ITGB5: variants seen among roughly 807,000 people sequenced by gnomAD.
The protein encoded by ITGB5 is integrin subunit beta 5, also known as integrin beta-5.
In ITGB5, 38 loss-of-function variants were observed where a neutral mutation model predicts 84.8. The observed-to-expected ratio is 0.45, with a 90% confidence interval of 0.35 to 0.59. The LOEUF is 0.59. ITGB5 is among the 20% of genes least tolerant of loss of function. The pLI is 0.01. For missense variants in ITGB5, 905 were observed against 1,034.5 expected (o/e 0.87, Z 1.72); for synonymous variants, 393 against 414.4 (o/e 0.95, Z 0.63).
At chr3:124,869,402 C>T (rs1350707835) in intron 2 of ITGB5, among the ~76,000 whole-genome samples, 6 of 152,016 alleles carry the variant, frequency 3.9e-5, no homozygotes, top group African/African-American at 1.5e-4. Flanking sequence ...ATGGTGAAAC[C>T]CCGTCTCTAC....
intron 5 of ITGB5, among the ~76,000 whole-genome samples, chr3:124,834,543 G>T (rs1475062669): frequency 3.7e-5 from 1 of 27,140 alleles, no homozygotes; most frequent in Non-Finnish European, 7.2e-5. Flanking sequence ...AGGGGAGGGA[G>T]GGGAGGGAGC....
At chr3:124,894,232 A>G (rs1333257232) in intron 1 of ITGB5, among the ~76,000 whole-genome samples, 1 of 141,330 alleles carries the variant, frequency 7.1e-6, no homozygotes, top group Non-Finnish European at 1.5e-5. Flanking sequence ...TCCCAGGTTC[A>G]TGCCATTCTC....
intron 7 of ITGB5, 115 bp downstream of exon 7, chr3:124,819,624 G>A (rs933120837): frequency 1.3e-6 from 1 of 768,538 alleles, no homozygotes; most frequent in Non-Finnish European, 2.4e-6. Context: ...ATTAGATCAA[G>A]ACTGGGCTAT....
chr3:124,852,562 G>A (rs887358491), intron 3 of ITGB5, among the ~76,000 whole-genome samples: 7 of 152,016 alleles, frequency 4.6e-5, no homozygotes, highest in Non-Finnish European at 8.8e-5. Context: ...CATTCTATCT[G>A]AAATGTATTT....
intron 2 of ITGB5, among the ~76,000 whole-genome samples, chr3:124,861,201 A>G (rs2065292215): frequency 6.6e-6 from 1 of 151,882 alleles, no homozygotes; most frequent in East Asian, 1.9e-4. Context: ...TTTTTTTAAT[A>G]ACGATTTTTT....
intron 10 of ITGB5, among the ~76,000 whole-genome samples, chr3:124,786,013 A>AGG (rs2064077467): frequency 1.3e-5 from 2 of 152,188 alleles, no homozygotes; most frequent in Non-Finnish European, 2.9e-5. Flanking sequence ...CTATAATCAA[A>AGG]AATCACAAGG....
At chr3:124,850,605 A>G (rs1448342242) in intron 3 of ITGB5, among the ~76,000 whole-genome samples, 2 of 151,230 alleles carry the variant, frequency 1.3e-5, no homozygotes, top group African/African-American at 4.9e-5. Flanking sequence ...ATGACGAGTT[A>G]GTGGGTGCAG....
Position 124,859,413 on chromosome 3 carries a change from A to G in ITGB5, c.190T>C (p.Cys64Arg). 6.2e-7 allele frequency: 1 copy of G among 1,614,072 alleles called. No homozygotes were observed. The highest frequency in any genetic ancestry group is 1.1e-5 in the South Asian group (1 of 91,072). Residue 64 changes from cysteine (C) to arginine (R), a missense_variant, in exon 3 of 15, where the codon TGT becomes CGT. By Grantham distance (180) the Cys-to-Arg change is radical. Transcript: ENST00000296181. Reference protein sequence around the residue: ...FGSPRSITSRCDLRANLVKNG... With the variant: ...FGSPRSITSRRDLRANLVKNG... ...TTGACAAGGTTTGCCCTCAGATCAC[A>G]CCGAGAGGTGATGGACCGTGGGCTT... is the stretch of plus-strand genomic sequence containing the variant.
intron 9 of ITGB5, among the ~76,000 whole-genome samples, chr3:124,802,868 G>T (rs908371191): frequency 6.6e-6 from 1 of 152,100 alleles, no homozygotes; most frequent in Admixed American, 6.5e-5. Context: ...CACAGCCCTC[G>T]CAGTGGAGTC....
chr3:124,840,263 A>T (rs542365141), intron 5 of ITGB5, among the ~76,000 whole-genome samples: 1 of 152,346 alleles, frequency 6.6e-6, no homozygotes, highest in Admixed American at 6.5e-5. Context: ...CCCTCACCAA[A>T]TGGAAGAGTC....
At chr3:124,823,486 C>A (rs563016199) in intron 5 of ITGB5, among the ~76,000 whole-genome samples, 11 of 151,666 alleles carry the variant, frequency 7.3e-5, no homozygotes, top group Non-Finnish European at 1.3e-4. Flanking sequence ...TAAGCCATAA[C>A]AAAACTACTT....
At chr3:124,802,416 G>A (rs17282085) in intron 9 of ITGB5, among the ~76,000 whole-genome samples, 13,647 of 152,152 alleles carry the variant, frequency 0.09, 816 homozygotes, top group South Asian at 0.2. Context: ...CTTGGGCCAG[G>A]GTTAAGAAAA....
intron 3 of ITGB5, among the ~76,000 whole-genome samples, chr3:124,855,937 C>T (rs2065217023): frequency 6.6e-6 from 1 of 152,118 alleles, no homozygotes; most frequent in African/African-American, 2.4e-5. Flanking sequence ...CCTGCCGTTA[C>T]TCAAATCACT....
intron 1 of ITGB5, among the ~76,000 whole-genome samples, chr3:124,882,745 T>C (rs2107652066): frequency 6.6e-6 from 1 of 152,226 alleles, no homozygotes; most frequent in East Asian, 1.9e-4. Flanking sequence ...GTTGCAGAAG[T>C]AGGTCCCAGC....
chr3:124,878,991 A>T (rs1234417854), intron 1 of ITGB5, among the ~76,000 whole-genome samples: 2 of 152,216 alleles, frequency 1.3e-5, no homozygotes, highest in East Asian at 3.8e-4. Flanking sequence ...ACGTCTCTGA[A>T]GCCCAGTGTT....
chr3:124,846,394 G>T (rs2065078246), intron 4 of ITGB5, among the ~76,000 whole-genome samples: 1 of 149,338 alleles, frequency 6.7e-6, no homozygotes, highest in South Asian at 2.1e-4. Context: ...GCCAAGGAAA[G>T]CAGCTCAGCC....
intron 5 of ITGB5, among the ~76,000 whole-genome samples, chr3:124,832,594 G>A (rs921926478): frequency 6.6e-6 from 1 of 152,182 alleles, no homozygotes; most frequent in Admixed American, 6.5e-5. Context: ...ACTGAACCAC[G>A]GGTCTGAAGG....
At chr3:124,869,623 C>T (rs781112316) in intron 2 of ITGB5, among the ~76,000 whole-genome samples, 1 of 152,128 alleles carries the variant, frequency 6.6e-6, no homozygotes, top group Admixed American at 6.5e-5. Context: ...CCTAACCTGG[C>T]TCTCTAAAAC....
At chr3:124,767,693 T>G (rs2063786602) in intron 12 of ITGB5, among the ~76,000 whole-genome samples, 1 of 152,082 alleles carries the variant, frequency 6.6e-6, no homozygotes, top group Non-Finnish European at 1.5e-5. Context: ...TGTGGTCCAC[T>G]CCCCACAGTC....
Sources: gnomAD v4.1 joint callset for allele counts (sites outside exome capture counted in the v4.1 genomes callset) on GRCh38, gnomAD v4.1.1 for gene constraint, MANE v1.5 for transcripts, NCBI Gene and HGNC (gene_info 2026-07-23, HGNC 2026-07-21) for gene names.